HLCS: variants seen among roughly 807,000 people sequenced by gnomAD.
The protein encoded by HLCS is biotin--protein ligase.
Under a neutral mutation model 75.0 loss-of-function variants are expected in HLCS, and 53 were observed. The ratio of observed to expected loss-of-function variants is 0.71; its 90% CI spans 0.57 to 0.89. The LOEUF (loss-of-function observed/expected upper bound fraction) is 0.89. HLCS is among the 40% of genes least tolerant of loss of function. The pLI, the probability that HLCS is intolerant of heterozygous loss-of-function variation, is 0.00. For synonymous variants in HLCS, 431 were observed against 428.6 expected (o/e 1.01, Z -0.07); for missense variants, 966 against 1,074.0 (o/e 0.90, Z 1.41).
intron 5 of HLCS, among the ~76,000 whole-genome samples, chr21:36,906,406 C>T (rs2065457005): frequency 6.6e-6 from 1 of 152,000 alleles, no homozygotes; most frequent in Admixed American, 6.6e-5. Context: ...TGGTGGCATG[C>T]ACCTGTAGTC....
intron 6 of HLCS, among the ~76,000 whole-genome samples, chr21:36,888,445 A>AATATAT (rs71198839): frequency 6.2e-4 from 15 of 24,070 alleles, no homozygotes; most frequent in Admixed American, 2.2e-3. Context: ...AAAAAAAAAA[A>AATATAT]ATATATATAT....
chr21:36,756,777 A>G, intron 9 of HLCS, 22 bp from the exon 10 acceptor site: 1 of 1,613,830 alleles, frequency 6.2e-7, no homozygotes. Context: ...CAAACAATTG[A>G]GCAGCTCAGC....
At chr21:36,983,321 C>G (rs2069161037) in intron 1 of HLCS, among the ~76,000 whole-genome samples, 1 of 151,862 alleles carries the variant, frequency 6.6e-6, no homozygotes, top group Non-Finnish European at 1.5e-5. Context: ...AGTGATTCTC[C>G]TGCCTCAGCC....
At chr21:36,776,055 C>G (rs986417653) in intron 6 of HLCS, among the ~76,000 whole-genome samples, 5 of 152,198 alleles carry the variant, frequency 3.3e-5, no homozygotes, top group African/African-American at 1.2e-4. Flanking sequence ...AGCCACATAG[C>G]AAGCAAACCA....
Position 36,962,283 on chromosome 21 carries a change from A to C in HLCS, c.196-113T>G, listed in dbSNP as rs2068339215. 4.5e-6 allele frequency: 3 copies of C among 673,874 alleles called. No homozygotes were observed. In the South Asian group the frequency reaches 5.3e-5, roughly 12 times the overall value. The allele number at this position is 673,874 out of a possible 1,614,324, so 41.7% of individuals were successfully genotyped here. A position where few individuals can be genotyped will look rare whatever the true frequency, so the allele number is the denominator to read the frequency against. ...CTATAATTCCAAGTGACATGGAAAT[A>C]AGCTTATCTGATGCTCCTCTGCAGG... On this transcript the variant is annotated intron_variant, in intron 1 of 10. Coordinates refer to ENST00000674895, the MANE Select transcript of HLCS (RefSeq NM_001352514.2).
chr21:36,941,483 T>C (rs1256723289), intron 2 of HLCS, among the ~76,000 whole-genome samples: 2 of 152,228 alleles, frequency 1.3e-5, no homozygotes, highest in African/African-American at 4.8e-5. Flanking sequence ...AACAGATTCA[T>C]GGACAACTGA....
Position 36,753,920 on chromosome 21 carries a change from T to C in HLCS, c.*326A>G, listed in dbSNP as rs957728782. On this transcript the variant is annotated 3_prime_UTR_variant, in exon 11 of 11. Coordinates refer to ENST00000674895, the MANE Select transcript of HLCS (RefSeq NM_001352514.2). The surrounding 1 kb of genome is among the most constrained non-coding windows in gnomAD (Gnocchi z 4.3). ...GTAAAGGTCTGCACTACTAAGAAAA[T>C]ATCTGAATTTTCCCATTGTCATTTC... The C allele has an allele frequency of 2.4e-6, 1 of 415,212 alleles. No homozygotes were observed. The allele number at this position is 415,212 out of a possible 1,614,324, so 25.7% of individuals were successfully genotyped here.
intron 6 of HLCS, chr21:36,851,963 A>G (rs992884819): frequency 2.6e-5 from 4 of 152,392 alleles, no homozygotes; most frequent in South Asian, 4.1e-4. Context: ...CACGGACGCT[A>G]AGCGGGGTTG....
At chr21:36,978,558 G>A (rs980175234) in intron 1 of HLCS, among the ~76,000 whole-genome samples, 16 of 152,076 alleles carry the variant, frequency 1.1e-4, no homozygotes, top group Admixed American at 3.9e-4. Context: ...GGCTGGAAGC[G>A]TCCTGATTAA....
intron 6 of HLCS, among the ~76,000 whole-genome samples, chr21:36,827,504 G>A (rs1285208575): frequency 6.6e-6 from 1 of 150,972 alleles, no homozygotes; most frequent in South Asian, 2.1e-4. Flanking sequence ...AACCTGGGAG[G>A]TGGAGGTTGC....
rs761937078 is a variant in HLCS at position 36,937,145 on chromosome 21, G to A, written c.741C>T (p.His247=). The change falls in exon 4 of 11, where the codon CAC becomes CAT. Residue 247 remains histidine, a synonymous_variant. Coordinates refer to ENST00000674895, the MANE Select transcript of HLCS (RefSeq NM_001352514.2). ...ACTCGTGGCAACTAGACAGATGGAG[G>A]TGATAATGCTCAACGGGGCCCCCTC... ...DRGGGPVEHY[H]LHLSSCHECL... is the part of the protein sequence containing the mutation. 1 of 1,614,176 alleles carries A rather than the reference G, an allele frequency of 6.2e-7. No individual in the cohort carries two copies.
chr21:36,752,168 A>G lies in HLCS; in HGVS notation c.*2078T>C, dbSNP rs2089393426. The G allele has an allele frequency of 6.6e-6, 1 of 152,658 alleles. No homozygotes were observed. Among genetic ancestry groups the G allele is most frequent in the African/African-American group, 2.4e-5 (1 of 41,458 alleles). The allele number at this position is 152,658 out of a possible 1,614,324, so 9.5% of individuals were successfully genotyped here. On this transcript the variant is annotated 3_prime_UTR_variant, in exon 11 of 11. Coordinates refer to ENST00000674895, the MANE Select transcript of HLCS (RefSeq NM_001352514.2). ...GCAGCATCTGCTTCAAGGCTGCTTC[A>G]TCTCTCTCAGGACAACTGAGTCTCC...
intron 5 of HLCS, among the ~76,000 whole-genome samples, chr21:36,909,593 C>T (rs1197674291): frequency 6.6e-6 from 1 of 152,142 alleles, no homozygotes; most frequent in Non-Finnish European, 1.5e-5. Flanking sequence ...TGTGTCTCGC[C>T]ACTTTATTTA....
intron 1 of HLCS, among the ~76,000 whole-genome samples, chr21:36,965,080 A>G (rs1450486408): frequency 4.6e-5 from 7 of 152,326 alleles, no homozygotes; most frequent in East Asian, 3.9e-4. Flanking sequence ...ACAGTCATTC[A>G]TATTCAGTGT....
rs767688725 is a variant in HLCS, at chr21:36,842,721, C to A, written c.1892+54139G>T. ...TTGTGCCACTGCACTCCACCCTGGG[C>A]AACAGAGCAAGACTCAGTCTCAAAA... On this transcript the variant is annotated intron_variant, in intron 6 of 10. Coordinates refer to ENST00000674895, the MANE Select transcript of HLCS (RefSeq NM_001352514.2). This position sits in a 1 kb window ranked among gnomAD's most constrained non-coding sequence, Gnocchi z 4.2. Among the ~76,000 whole-genome samples, 2 of 152,092 alleles carry A rather than the reference C, an allele frequency of 1.3e-5. No homozygotes were observed. The highest frequency in any genetic ancestry group is 2.9e-5 in the Non-Finnish European group (2 of 68,022).
chr21:36,793,183 T>G (rs1159011975), intron 6 of HLCS, among the ~76,000 whole-genome samples: 1 of 152,110 alleles, frequency 6.6e-6, no homozygotes, highest in Non-Finnish European at 1.5e-5. Context: ...CACATTGCCT[T>G]AGGTACCGAT....
At chr21:36,801,252 C>T (rs1035192756) in intron 6 of HLCS, among the ~76,000 whole-genome samples, 36 of 152,238 alleles carry the variant, frequency 2.4e-4, no homozygotes, top group African/African-American at 7.2e-4. Context: ...ACAATAGAGA[C>T]GCAAGTAACT....
intron 6 of HLCS, among the ~76,000 whole-genome samples, chr21:36,783,608 C>T (rs1031210242): frequency 6.6e-5 from 10 of 152,272 alleles, no homozygotes; most frequent in African/African-American, 2.4e-4. Flanking sequence ...GGCATTCGGA[C>T]ACAAAGTGTG....
At chr21:36,920,537 T>C (rs1461436100) in intron 5 of HLCS, among the ~76,000 whole-genome samples, 8 of 152,114 alleles carry the variant, frequency 5.3e-5, no homozygotes, top group Non-Finnish European at 8.8e-5. Context: ...GTTTGTAATA[T>C]AAAGGATAAA....
Sources: gnomAD v4.1 joint callset for allele counts (sites outside exome capture counted in the v4.1 genomes callset) on GRCh38, gnomAD v4.1.1 for gene constraint, Gnocchi (gnomAD v3.1) non-coding constraint, MANE v1.5 for transcripts, NCBI Gene and HGNC (gene_info 2026-07-23, HGNC 2026-07-21) for gene names.